MYO7A: variants seen among roughly 807,000 people sequenced by gnomAD.
MYO7A encodes the protein myosin VIIA.
A neutral mutation model predicts 263.8 loss-of-function variants in MYO7A; 210 were observed. The ratio of observed to expected loss-of-function variants is 0.80; its 90% CI spans 0.71 to 0.89. The LOEUF (loss-of-function observed/expected upper bound fraction) is 0.89, where lower values mean the gene tolerates loss of function less well. MYO7A is among the 40% of genes least tolerant of loss of function. MYO7A has a pLI of 0.00. For missense variants in MYO7A, 2,820 were observed against 2,968.3 expected (o/e 0.95, Z 1.16); for synonymous variants, 1,239 against 1,197.3 (o/e 1.03, Z -0.72).
At position 77,211,804 on chromosome 11, in the gene MYO7A, C is replaced by A. The variant is rs1188348052; in HGVS notation, c.6238-17C>A. 2 of 1,607,362 alleles carry A rather than the reference C, an allele frequency of 1.2e-6. No individual in the cohort carries two copies. Among genetic ancestry groups the A allele is most frequent in the Admixed American group, 3.3e-5 (2 of 59,980 alleles). On this transcript the variant is annotated splice_polypyrimidine_tract_variant and intron_variant, in intron 45 of 48. Transcript: ENST00000409709. Reference sequence around the variant, plus strand: ...TCCCCAGGACTGAGCCCAGCCCTGACCGCCCTGTCCCCATAGTCCATCGTC... The same window carrying A: ...TCCCCAGGACTGAGCCCAGCCCTGAACGCCCTGTCCCCATAGTCCATCGTC...
At chr11:77,162,376 GCTTC>G in intron 13 of MYO7A, 46 bp downstream of exon 13, 2 of 1,520,082 alleles carry the variant, frequency 1.3e-6, no homozygotes, top group Non-Finnish European at 1.8e-6. Context: ...GGTGCGCACA[GCTTC>G]CTTCCCTGCT....
intron 27 of MYO7A, among the ~76,000 whole-genome samples, chr11:77,186,413 A>G (rs1369947330): frequency 6.6e-6 from 1 of 152,242 alleles, no homozygotes; most frequent in Non-Finnish European, 1.5e-5. Context: ...AGGCTGGTTC[A>G]TCTACATGGA....
Position 77,208,517 on chromosome 11 carries a change from G to T in MYO7A, c.5944G>T (p.Gly1982Ter). The T allele has an allele frequency of 6.2e-7, 1 of 1,612,094 alleles. No homozygotes were observed. Residue 1982 changes from glycine (G) to a stop codon, truncating the protein, a stop_gained and splice_region_variant, in exon 43 of 49, where the codon GGA (glycine) becomes TGA (stop). Coordinates refer to ENST00000409709, the MANE Select transcript of MYO7A (RefSeq NM_000260.4). LOFTEE classifies it high-confidence loss of function. Reference sequence around the variant, plus strand: ...AAAGAAAGCTCGGCCCATCAAGGACGGTAATGAGGCCGGGTCCTGGGATCA... The same window carrying T: ...AAAGAAAGCTCGGCCCATCAAGGACTGTAATGAGGCCGGGTCCTGGGATCA... ...WIKKARPIKD[G>*]IVPSLTYQVF...
chr11:77,194,709 G>A (rs1956509242), intron 32 of MYO7A, among the ~76,000 whole-genome samples, 185 bp downstream of exon 32: 1 of 152,194 alleles, frequency 6.6e-6, no homozygotes, highest in African/African-American at 2.4e-5. Flanking sequence ...CACACAGAGG[G>A]AATCAGACTT....
At chr11:77,209,955 T>G (rs1957752056) in intron 44 of MYO7A, among the ~76,000 whole-genome samples, 2 of 152,196 alleles carry the variant, frequency 1.3e-5, no homozygotes, top group South Asian at 4.1e-4. Context: ...CTGGATTGTT[T>G]CCGCTTCTCA....
chr11:77,159,325 G>A lies in MYO7A; in HGVS notation c.1004-122G>A. On this transcript the variant is annotated intron_variant, in intron 9 of 48. Coordinates refer to ENST00000409709, the MANE Select transcript of MYO7A (RefSeq NM_000260.4). ...GGAAGCATTTAGTCACAATGCTGAT[G>A]CCCTCCCTGGACAGGGCAGGACCCC... is the stretch of plus-strand genomic sequence containing the variant. 7.6e-6 allele frequency: 6 copies of A among 791,268 alleles called. No homozygotes were observed. The South Asian group carries it at 9.6e-5, about 13-fold the overall frequency. The allele number at this position is 791,268 out of a possible 1,614,324, so 49.0% of individuals were successfully genotyped here. A position where few individuals can be genotyped will look rare whatever the true frequency, so the allele number is the denominator to read the frequency against.
intron 47 of MYO7A, among the ~76,000 whole-genome samples, chr11:77,213,465 G>C (rs923371715): frequency 1.3e-5 from 2 of 152,178 alleles, no homozygotes; most frequent in Non-Finnish European, 2.9e-5. Context: ...ACGCATTCCT[G>C]GCTGTCCTCT....
At chr11:77,149,117 A>G (rs1350863106) in intron 4 of MYO7A, among the ~76,000 whole-genome samples, 1 of 152,220 alleles carries the variant, frequency 6.6e-6, no homozygotes, top group Non-Finnish European at 1.5e-5. Flanking sequence ...AGGTTTAGCC[A>G]GGCCCAGAGC....
At chr11:77,177,674 C>T (rs1555080854) in intron 19 of MYO7A, 31 bp downstream of exon 19, 3 of 1,557,364 alleles carry the variant, frequency 1.9e-6, no homozygotes, top group East Asian at 2.3e-5. Flanking sequence ...CTCCCCTCCT[C>T]AGCCCACATA....
intron 31 of MYO7A, among the ~76,000 whole-genome samples, chr11:77,192,914 AG>A (rs11341493): frequency 0.73 from 53,815 of 73,600 alleles, 17,388 homozygotes; most frequent in African/African-American, 0.8. Flanking sequence ...GTGATGGTGG[AG>A]GGTAGTGATG....
intron 2 of MYO7A, among the ~76,000 whole-genome samples, chr11:77,135,041 T>A (rs4945147): frequency 0.33 from 50,825 of 152,012 alleles, 11,128 homozygotes; most frequent in African/African-American, 0.62. Flanking sequence ...CGCCTCAGCC[T>A]CCCAAAGTGC....
Position 77,199,396 on chromosome 11 carries a change from G to A in MYO7A, c.4569-139G>A, listed in dbSNP as rs533790178. The A allele has an allele frequency of 1.1e-4, 91 of 831,772 alleles. No individual in the cohort carries two copies. The Middle Eastern group carries it at 1.1e-3, about 10-fold the overall frequency. The allele number at this position is 831,772 out of a possible 1,614,324, so 51.5% of individuals were successfully genotyped here. ...TAGACAGGCAAAGGAGAAGTAGGCC[G>A]GGCCACTGTGGGTCTCCCTCTGGGC... is the stretch of plus-strand genomic sequence containing the variant. On this transcript the variant is annotated intron_variant, in intron 34 of 48. Transcript: ENST00000409709.
chr11:77,172,797 G>C lies in MYO7A; in HGVS notation c.1847G>C (p.Arg616Pro). Reference sequence around the variant, plus strand: ...CCCACACTTAGCAGCCAGTTCAAGCGGTCACTGGAGCTGCTGATGCGCACG... The same window carrying C: ...CCCACACTTAGCAGCCAGTTCAAGCCGTCACTGGAGCTGCTGATGCGCACG... ...RSPTLSSQFK[R>P]SLELLMRTLG... Residue 616 changes from arginine to proline, a missense_variant, in exon 16 of 49, where the codon CGG becomes CCG. Physicochemically the swap from Arg to Pro is moderately radical, Grantham distance 103. Coordinates refer to ENST00000409709, the MANE Select transcript of MYO7A (RefSeq NM_000260.4). 1 of 1,558,604 alleles carries C rather than the reference G, an allele frequency of 6.4e-7. No homozygotes were observed. The highest frequency in any genetic ancestry group is 8.7e-7 in the Non-Finnish European group (1 of 1,151,492).
At position 77,161,141 on chromosome 11, in the gene MYO7A, G is replaced by A. The variant is rs1258590144; in HGVS notation, c.1343+26G>A. 5.6e-6 allele frequency: 9 copies of A among 1,611,694 alleles called. No homozygotes were observed. The African/African-American group carries it at 1.2e-4, about 22-fold the overall frequency. ...GTACCGCGTGGGGCTCTGCTCATGGGAATTTCCTTCCCCAATATGGAAATA... is the reference window on the plus strand; with the variant it reads ...GTACCGCGTGGGGCTCTGCTCATGGAAATTTCCTTCCCCAATATGGAAATA... On this transcript the variant is annotated intron_variant, in intron 12 of 48. Transcript: ENST00000409709.
intron 40 of MYO7A, 32 bp from the exon 41 acceptor site, chr11:77,206,065 C>T (rs1419074002): frequency 2.6e-6 from 4 of 1,548,980 alleles, no homozygotes; most frequent in Non-Finnish European, 3.5e-6. Context: ...GTCCCACGCA[C>T]ATGCCCCCTG....
rs1346249962 is a variant in MYO7A, at chr11:77,197,489, T to C, written c.4332T>C (p.Tyr1444=). ...TCCCTCTCTCCTTCCAGGGGATTTA[T>C]GCCCAGAGGAGAACTGATGCCCAGA... ...LAIAAHKKGI[Y]AQRRTDAQKV... Residue 1444 remains tyrosine (Y), a synonymous_variant, in exon 33 of 49, where the codon TAT becomes TAC. Transcript: ENST00000409709. 2.5e-6 allele frequency: 4 copies of C among 1,596,934 alleles called. No homozygotes were observed. The highest frequency in any genetic ancestry group is 2.3e-5 in the South Asian group (2 of 87,912).
chr11:77,131,919 T>G (rs960294012), intron 2 of MYO7A, among the ~76,000 whole-genome samples: 1 of 152,238 alleles, frequency 6.6e-6, no homozygotes, highest in African/African-American at 2.4e-5. Context: ...TTGCTATTGA[T>G]GAGTGGGAGG....
chr11:77,196,944 C>A (rs949878093), intron 32 of MYO7A, among the ~76,000 whole-genome samples: 37 of 152,224 alleles, frequency 2.4e-4, no homozygotes, highest in African/African-American at 7.5e-4. Context: ...CAGCACCCCT[C>A]ACGGATCACC....
chr11:77,163,077 A>T (rs1219675242), intron 14 of MYO7A, 89 bp downstream of exon 14: 3 of 1,455,278 alleles, frequency 2.1e-6, no homozygotes, highest in Non-Finnish European at 2.8e-6. Context: ...CCGGAATTTT[A>T]AAGATTTTTA....
Sources: gnomAD v4.1 joint callset for allele counts (sites outside exome capture counted in the v4.1 genomes callset) on GRCh38, gnomAD v4.1.1 for gene constraint, MANE v1.5 for transcripts, NCBI Gene and HGNC (gene_info 2026-07-23, HGNC 2026-07-21) for gene names.